The following SOS2 variants were observed in gnomAD, a reference collection of about 807,000 sequenced individuals.
The protein encoded by SOS2 is son of sevenless homolog 2.
SOS2 carries 65 observed loss-of-function variants against 148.2 expected under a neutral mutation model. The ratio of observed to expected loss-of-function variants is 0.44; its 90% confidence interval spans 0.36 to 0.54. The LOEUF is 0.54. Among genes scored for constraint, SOS2 ranks in the 20% least tolerant of loss-of-function variants. The pLI is 0.00. For missense variants in SOS2, 1,341 were observed against 1,590.2 expected, an observed-to-expected ratio of 0.84 and a Z score of 2.67; for synonymous variants, 539 against 537.1, an observed-to-expected ratio of 1.00 and a Z score of -0.05.
chr14:50,198,319 C>T (rs58509432), intron 4 of SOS2, among the ~76,000 whole-genome samples: 29,581 of 149,380 alleles, frequency 0.2, 3,080 homozygotes, highest in East Asian at 0.45. Context: ...GTTGTACTTC[C>T]AACTTTTCTA....
intron 12 of SOS2, among the ~76,000 whole-genome samples, chr14:50,154,457 G>A (rs1594976730): frequency 6.6e-6 from 1 of 152,102 alleles, no homozygotes; most frequent in East Asian, 1.9e-4. Context: ...CATACCTTCT[G>A]ACCCAGCCAC....
At chr14:50,193,437 G>T (rs1886216567) in intron 4 of SOS2, among the ~76,000 whole-genome samples, 1 of 152,096 alleles carries the variant, frequency 6.6e-6, no homozygotes, top group Admixed American at 6.6e-5. Flanking sequence ...TTATATACTA[G>T]AAGTTAAATT....
intron 8 of SOS2, 136 bp from the exon 9 acceptor site, chr14:50,161,745 T>C: frequency 4.2e-6 from 3 of 710,986 alleles, no homozygotes; most frequent in Non-Finnish European, 6.7e-6. Flanking sequence ...ACAGCTATAA[T>C]TTTATATATA....
At chr14:50,205,581 T>A (rs1886632839) in intron 1 of SOS2, among the ~76,000 whole-genome samples, 1 of 152,180 alleles carries the variant, frequency 6.6e-6, no homozygotes, top group Non-Finnish European at 1.5e-5. Flanking sequence ...CAATGATTAG[T>A]CTACGATTTA....
chr14:50,136,849 C>CA (rs995184440), intron 18 of SOS2, among the ~76,000 whole-genome samples: 1 of 152,284 alleles, frequency 6.6e-6, no homozygotes, highest in Admixed American at 6.5e-5. Flanking sequence ...CTCAGCCTCT[C>CA]AAAGTGCTGG....
chr14:50,122,391 C>CTTTTTTTTTTTTTTT (rs71118839), intron 21 of SOS2, among the ~76,000 whole-genome samples: 16 of 88,290 alleles, frequency 1.8e-4, no homozygotes, highest in African/African-American at 7.2e-4. Context: ...GAACCCTGGG[C>CTTTTTTTTTTTTTTT]TTTTTTTTTT....
chr14:50,219,975 C>T (rs1207382242), intron 1 of SOS2, among the ~76,000 whole-genome samples: 1 of 151,968 alleles, frequency 6.6e-6, no homozygotes, highest in African/African-American at 2.4e-5. Flanking sequence ...CCACCTCAGC[C>T]TCCCTTGTGA....
intron 11 of SOS2, 74 bp from the exon 12 acceptor site, chr14:50,157,195 C>T: frequency 3.3e-6 from 5 of 1,526,388 alleles, no homozygotes; most frequent in Non-Finnish European, 4.4e-6. Context: ...AGCAAGCAAC[C>T]TTCTTTCCTA....
At position 50,199,027 on chromosome 14, in the gene SOS2, C is replaced by T. The variant is rs139013311; in HGVS notation, c.510+664G>A. Among the ~76,000 whole-genome samples, 26 of 152,248 alleles carry T rather than the reference C, an allele frequency of 1.7e-4. No individual in the cohort carries two copies. In the East Asian group the frequency reaches 4.6e-3, roughly 27 times the overall value. The stretch of plus-strand genomic sequence containing the variant: ...AAACAGCTGGACGTGGTGATGCACG[C>T]CTGTGGTCCTAGCTACTCGAGAGGC... On this transcript the variant is annotated intron_variant, in intron 4 of 22. Transcript: ENST00000216373.
At chr14:50,173,224 T>C (rs1362435429) in intron 8 of SOS2, among the ~76,000 whole-genome samples, 3 of 152,180 alleles carry the variant, frequency 2.0e-5, no homozygotes, top group Non-Finnish European at 2.9e-5. Flanking sequence ...ATCGTTGGTT[T>C]AGATAGACAG....
intron 21 of SOS2, among the ~76,000 whole-genome samples, chr14:50,120,686 T>C (rs186935788): frequency 7.9e-5 from 12 of 151,338 alleles, no homozygotes; most frequent in Non-Finnish European, 1.6e-4. Flanking sequence ...ACAAAACATG[T>C]CTAAATACAC....
chr14:50,133,493 C>T (rs1282034106), intron 19 of SOS2, among the ~76,000 whole-genome samples: 1 of 152,098 alleles, frequency 6.6e-6, no homozygotes, highest in African/African-American at 2.4e-5. Flanking sequence ...AGCCACCATG[C>T]CCGGTCTCTA....
intron 16 of SOS2, among the ~76,000 whole-genome samples, chr14:50,141,512 C>A (rs1208630924): frequency 1.3e-5 from 2 of 151,966 alleles, no homozygotes; most frequent in African/African-American, 2.4e-5. Flanking sequence ...CAGAGCATGA[C>A]CCTGTCTCTA....
intron 7 of SOS2, among the ~76,000 whole-genome samples, chr14:50,178,940 G>T (rs1239105767): frequency 6.6e-6 from 1 of 151,890 alleles, no homozygotes; most frequent in Admixed American, 6.6e-5. Context: ...TCGCCAGGCT[G>T]GCAAGGCTGG....
intron 8 of SOS2, among the ~76,000 whole-genome samples, chr14:50,171,303 A>G (rs1885354446): frequency 1.3e-5 from 2 of 152,112 alleles, no homozygotes; most frequent in South Asian, 4.1e-4. Flanking sequence ...GGGTATATAC[A>G]TAAAATAATT....
rs1406914864 is a variant in SOS2, at chr14:50,118,629, T to A, written c.3714A>T (p.Pro1238=). Residue 1238 remains proline, a synonymous_variant, in exon 23 of 23, where the codon CCA becomes CCT. Transcript: ENST00000216373. ...INCPFNLQPP[P]LGHLHRDSDW... is the part of the protein sequence containing the mutation. ...CTGAATCTCTGTGAAGATGCCCCAG[T>A]GGAGGTGGCTGAAGATTAAATGGAC... 28 of 1,613,888 alleles carry A rather than the reference T, an allele frequency of 1.7e-5. No homozygotes were observed. Among genetic ancestry groups the A allele is most frequent in the Non-Finnish European group, 2.3e-5 (27 of 1,180,012 alleles).
chr14:50,150,714 C>A (rs529711144), intron 13 of SOS2, among the ~76,000 whole-genome samples: 2 of 151,694 alleles, frequency 1.3e-5, no homozygotes, highest in African/African-American at 2.4e-5. Context: ...CATATCACCA[C>A]GCCTGGCTAA....
chr14:50,228,318 C>T (rs1404617171), intron 1 of SOS2, among the ~76,000 whole-genome samples: 1 of 152,024 alleles, frequency 6.6e-6, no homozygotes, highest in East Asian at 1.9e-4. Flanking sequence ...TGCTGGATTA[C>T]AGGTGTGAGC....
At chr14:50,148,963 T>C (rs1884579471) in intron 14 of SOS2, among the ~76,000 whole-genome samples, 1 of 152,178 alleles carries the variant, frequency 6.6e-6, no homozygotes, top group African/African-American at 2.4e-5. Context: ...TGGCACAATC[T>C]TGGCTCACTG....
Sources: gnomAD v4.1 joint callset for allele counts (sites outside exome capture counted in the v4.1 genomes callset) on GRCh38, gnomAD v4.1.1 for gene constraint, MANE v1.5 for transcripts, NCBI Gene and HGNC (gene_info 2026-07-23, HGNC 2026-07-21) for gene names.